Variants in LRRC7 observed in about 807,000 individuals in gnomAD.
LRRC7 encodes the protein leucine rich repeat containing 7.
A neutral mutation model predicts 175.7 loss-of-function variants in LRRC7; 23 were observed. That is an observed-to-expected ratio of 0.13 (90% CI 0.09 to 0.19). LRRC7 has a LOEUF of 0.19. LRRC7 is among the 10% of genes least tolerant of loss of function. The pLI, the probability that LRRC7 is intolerant of heterozygous loss-of-function variation, is 1.00. For missense variants in LRRC7, 1,354 were observed against 1,904.7 expected (o/e 0.71, Z 5.38); for synonymous variants, 685 against 680.9 (o/e 1.01, Z -0.09).
At chr1:69,670,779 C>G (rs1460025859) in intron 1 of LRRC7, among the ~76,000 whole-genome samples, 1 of 152,052 alleles carries the variant, frequency 6.6e-6, no homozygotes, top group Non-Finnish European at 1.5e-5. Flanking sequence ...AGTCTTAGCC[C>G]ATGGCCACCA....
chr1:69,713,206 C>T (rs2100741735), intron 2 of LRRC7, among the ~76,000 whole-genome samples: 1 of 152,134 alleles, frequency 6.6e-6, no homozygotes, highest in Admixed American at 6.5e-5. Flanking sequence ...TATTTTAAGG[C>T]CAGGCACGGT....
At chr1:69,927,628 G>A (rs569218705) in intron 7 of LRRC7, among the ~76,000 whole-genome samples, 244 of 152,050 alleles carry the variant, frequency 1.6e-3, no homozygotes, top group Middle Eastern at 0.01. Context: ...CATTCTTCAC[G>A]TAGTTCTCGA....
chr1:69,828,360 C>G (rs1375872298), intron 5 of LRRC7, among the ~76,000 whole-genome samples: 1 of 152,082 alleles, frequency 6.6e-6, no homozygotes, highest in Admixed American at 6.6e-5. Context: ...ATCACTTTCC[C>G]AAAGCTATTC....
At chr1:69,887,587 T>C (rs1645678110) in intron 7 of LRRC7, among the ~76,000 whole-genome samples, 1 of 152,166 alleles carries the variant, frequency 6.6e-6, no homozygotes, top group African/African-American at 2.4e-5. Context: ...CTCAGAGTAA[T>C]TTGATCGTCT....
intron 7 of LRRC7, among the ~76,000 whole-genome samples, chr1:69,895,463 A>C (rs1217015825): frequency 1.3e-5 from 2 of 152,184 alleles, no homozygotes; most frequent in Non-Finnish European, 2.9e-5. Flanking sequence ...GTATACTAAT[A>C]AACTCTAAAT....
At chr1:70,018,981 C>T (rs1219308608) in intron 15 of LRRC7, among the ~76,000 whole-genome samples, 163 bp downstream of exon 15, 1 of 151,960 alleles carries the variant, frequency 6.6e-6, no homozygotes, top group Non-Finnish European at 1.5e-5. Flanking sequence ...AAGCATAAGT[C>T]TTATTTTCTA....
chr1:69,927,979 G>A (rs1042358566), intron 7 of LRRC7, among the ~76,000 whole-genome samples: 6 of 152,026 alleles, frequency 3.9e-5, no homozygotes, highest in African/African-American at 1.2e-4. Context: ...TGTACAGATG[G>A]GTTTTTGCTG....
intron 1 of LRRC7, among the ~76,000 whole-genome samples, chr1:69,644,367 A>C (rs1487118475): frequency 6.6e-6 from 1 of 152,022 alleles, no homozygotes; most frequent in Non-Finnish European, 1.5e-5. Flanking sequence ...CGGTTGCTAC[A>C]TCTTCCTGAT....
chr1:69,661,775 T>C (rs1570235855), intron 1 of LRRC7, among the ~76,000 whole-genome samples: 1 of 152,360 alleles, frequency 6.6e-6, no homozygotes, highest in East Asian at 1.9e-4. Flanking sequence ...ATTTATATTC[T>C]ATGTATGGTA....
In LRRC7 at chr1:69,678,487, G is replaced by A. The variant is rs1455323337; in HGVS notation, c.100+9G>A. 1.3e-6 allele frequency: 2 copies of A among 1,583,200 alleles called. No homozygotes were observed. The highest frequency in any genetic ancestry group is 4.5e-5 in the East Asian group (2 of 44,132). On this transcript the variant is annotated intron_variant, in intron 2 of 26. Transcript: ENST00000651989. Reference sequence around the variant, plus strand: ...GAGGCCTGAAGAGGAGTGTAAGTATGTTTAATAGGATTACCTGTGTTCTAG... The same window carrying A: ...GAGGCCTGAAGAGGAGTGTAAGTATATTTAATAGGATTACCTGTGTTCTAG...
At chr1:69,823,447 C>G (rs1398607149) in intron 4 of LRRC7, among the ~76,000 whole-genome samples, 1 of 152,118 alleles carries the variant, frequency 6.6e-6, no homozygotes. Context: ...GTCATGAAGT[C>G]TTTTTCATCC....
intron 26 of LRRC7, among the ~76,000 whole-genome samples, chr1:70,114,418 C>CT (rs1665719286): frequency 1.3e-5 from 2 of 152,098 alleles, no homozygotes; most frequent in African/African-American, 4.8e-5. Context: ...AATCCCAGTG[C>CT]TTTGGGAGGC....
Position 70,130,684 on chromosome 1 carries a change from C to T in LRRC7, c.*8797C>T, listed in dbSNP as rs1441850092. On this transcript the variant is annotated 3_prime_UTR_variant, in exon 27 of 27. Coordinates refer to ENST00000651989, the MANE Select transcript of LRRC7 (RefSeq NM_001370785.2). ...TTTATTTAATTGGAGCACACCATAT[C>T]TATCCTTTTGATTTGATTGGGTTTC... 1.3e-5 allele frequency among the ~76,000 whole-genome samples: 2 copies of T among 152,208 alleles called. No individual in the cohort carries two copies. The highest frequency in any genetic ancestry group is 3.8e-4 in the East Asian group (2 of 5,204).
At chr1:69,998,391 A>T (rs1357517227) in intron 11 of LRRC7, among the ~76,000 whole-genome samples, 1 of 152,182 alleles carries the variant, frequency 6.6e-6, no homozygotes, top group African/African-American at 2.4e-5. Context: ...AGATGTTCAG[A>T]CTTTGAAGAG....
At chr1:70,031,925 A>T (rs1011313369) in intron 18 of LRRC7, among the ~76,000 whole-genome samples, 1 of 151,860 alleles carries the variant, frequency 6.6e-6, no homozygotes, top group African/African-American at 2.4e-5. Context: ...CAGCCTCCTG[A>T]GTAGCTGGGA....
chr1:70,076,637 A>G (rs1048610620), intron 24 of LRRC7, among the ~76,000 whole-genome samples: 1 of 152,232 alleles, frequency 6.6e-6, no homozygotes, highest in African/African-American at 2.4e-5. Context: ...TCAATGGATT[A>G]GGTATATTTA....
chr1:69,944,607 A>G (rs990728479), intron 8 of LRRC7, among the ~76,000 whole-genome samples: 9 of 152,058 alleles, frequency 5.9e-5, no homozygotes, highest in Middle Eastern at 3.4e-3. Flanking sequence ...TGACAGCACC[A>G]TTTTACGTTC....
intron 16 of LRRC7, chr1:70,022,324 C>T (rs1040695360): frequency 1.3e-5 from 2 of 152,148 alleles, no homozygotes; most frequent in African/African-American, 2.4e-5. Flanking sequence ...ATGGATGATG[C>T]ATTCTATACC....
At chr1:70,003,247 C>T (rs1655700143) in intron 11 of LRRC7, among the ~76,000 whole-genome samples, 1 of 152,200 alleles carries the variant, frequency 6.6e-6, no homozygotes, top group South Asian at 2.1e-4. Flanking sequence ...TGACTTTATC[C>T]AACTCTAAAT....
Sources: gnomAD v4.1 joint callset for allele counts (sites outside exome capture counted in the v4.1 genomes callset) on GRCh38, gnomAD v4.1.1 for gene constraint, MANE v1.5 for transcripts, NCBI Gene and HGNC (gene_info 2026-07-23, HGNC 2026-07-21) for gene names.